Variants in LINC02747 observed in about 807,000 individuals in gnomAD.
LINC02747 encodes the protein CCND1-upstream intergenic DNA repair 2.
At chr11:69,478,325 G>A (rs1230958275) in intron 1 of LINC02747, among the ~76,000 whole-genome samples, 1 of 152,204 alleles carries the variant, frequency 6.6e-6, no homozygotes, top group Middle Eastern at 3.4e-3. Context: ...TCCCTGCACA[G>A]GTACCGAGAG....
intron 1 of LINC02747, among the ~76,000 whole-genome samples, chr11:69,481,138 C>T (rs1442914158): frequency 6.6e-6 from 1 of 152,250 alleles, no homozygotes; most frequent in East Asian, 1.9e-4. Context: ...AGAGCAGCCA[C>T]TGGGGCAGCC....
chr11:69,478,718 C>T (rs1051116792), intron 1 of LINC02747, among the ~76,000 whole-genome samples: 2 of 151,954 alleles, frequency 1.3e-5, no homozygotes, highest in African/African-American at 2.4e-5. Context: ...ACCTGTAATT[C>T]CAGCTACTCA....
exon 2 of LINC02747, chr11:69,475,936 G>A (rs1856989040): frequency 1.3e-5 from 2 of 152,326 alleles, no homozygotes; most frequent in African/African-American, 4.8e-5. Context: ...CTTGCCTCAG[G>A]CTCTAATGCA....
At chr11:69,476,672 C>G (rs1458907534) in exon 2 of LINC02747, 1 of 152,170 alleles carries the variant, frequency 6.6e-6, no homozygotes, top group Non-Finnish European at 1.5e-5. Flanking sequence ...TTGGGTCACC[C>G]GAATCAAGGG....
chr11:69,477,866 C>T (rs745617431), intron 1 of LINC02747, among the ~76,000 whole-genome samples: 141 of 152,126 alleles, frequency 9.3e-4, no homozygotes, highest in Non-Finnish European at 1.5e-3. Context: ...CTGTGCAAGA[C>T]GAAAATGCAA....
intron 1 of LINC02747, among the ~76,000 whole-genome samples, chr11:69,478,441 C>T (rs555259435): frequency 2.0e-5 from 3 of 152,172 alleles, no homozygotes; most frequent in Non-Finnish European, 4.4e-5. Context: ...GCACCCTGAC[C>T]GCCTGCTCCT....
chr11:69,476,455 C>G (rs1856995485), exon 2 of LINC02747: 1 of 152,210 alleles, frequency 6.6e-6, no homozygotes, highest in Non-Finnish European at 1.5e-5. Context: ...ACACCATTCA[C>G]TGATCTAATC....
intron 1 of LINC02747, among the ~76,000 whole-genome samples, chr11:69,480,998 T>C (rs1382612781): frequency 2.6e-5 from 4 of 152,170 alleles, no homozygotes. Context: ...CTAGCAACTG[T>C]GTAACAGGTG....
chr11:69,477,446 C>A (rs75936488), exon 2 of LINC02747: 272 of 152,356 alleles, frequency 1.8e-3, no homozygotes, highest in Non-Finnish European at 3.0e-3. Context: ...CACATGCTCA[C>A]CACACTTTAC....
intron 1 of LINC02747, among the ~76,000 whole-genome samples, chr11:69,479,030 G>A (rs2134962075): frequency 6.6e-6 from 1 of 152,286 alleles, no homozygotes; most frequent in Non-Finnish European, 1.5e-5. Context: ...TGAAGCCGGT[G>A]TATAACTTGA....
intron 1 of LINC02747, chr11:69,477,744 G>A (rs1294391994): frequency 1.3e-5 from 2 of 152,160 alleles, no homozygotes; most frequent in Non-Finnish European, 2.9e-5. Context: ...ACTGGGCTCA[G>A]GAAAAGAATG....
chr11:69,478,700 T>C (rs1223165450), intron 1 of LINC02747, among the ~76,000 whole-genome samples: 1 of 151,938 alleles, frequency 6.6e-6, no homozygotes, highest in Non-Finnish European at 1.5e-5. Flanking sequence ...CCTGGTGTGG[T>C]GGTGAGCACC....
intron 1 of LINC02747, among the ~76,000 whole-genome samples, chr11:69,478,012 C>G (rs1857012262): frequency 6.6e-6 from 1 of 152,206 alleles, no homozygotes; most frequent in Non-Finnish European, 1.5e-5. Context: ...AAGCACCTGT[C>G]TGCTTCGTGC....
At chr11:69,480,238 C>T (rs543347969) in intron 1 of LINC02747, among the ~76,000 whole-genome samples, 2 of 152,288 alleles carry the variant, frequency 1.3e-5, no homozygotes, top group African/African-American at 4.8e-5. Flanking sequence ...TGAGCCCAGG[C>T]CGGAGCCAGC....
intron 1 of LINC02747, among the ~76,000 whole-genome samples, chr11:69,478,719 C>T (rs891164476): frequency 6.6e-6 from 1 of 151,958 alleles, no homozygotes; most frequent in Non-Finnish European, 1.5e-5. Flanking sequence ...CCTGTAATTC[C>T]AGCTACTCAG....
chr11:69,479,784 G>A (rs1009270230), intron 1 of LINC02747: 1 of 152,400 alleles, frequency 6.6e-6, no homozygotes, highest in Non-Finnish European at 1.5e-5. Context: ...AGCTCGGCAG[G>A]TGCACATCTT....
intron 1 of LINC02747, among the ~76,000 whole-genome samples, chr11:69,479,211 C>G (rs890834901): frequency 7.1e-6 from 1 of 140,074 alleles, no homozygotes. Flanking sequence ...GCCAAGATCG[C>G]GCCACTGCCC....
intron 1 of LINC02747, among the ~76,000 whole-genome samples, chr11:69,480,304 C>T (rs1477382574): frequency 6.6e-6 from 1 of 152,194 alleles, no homozygotes; most frequent in Non-Finnish European, 1.5e-5. Context: ...TGAGCACATC[C>T]CAGGACCCCG....
rs557103613 is a variant in LINC02747, at chr11:69,476,031, G to A, written n.1703C>T. The A allele has an allele frequency of 2.0e-5, 3 of 152,280 alleles. No homozygotes were observed. In the South Asian group the frequency reaches 6.2e-4, roughly 32 times the overall value. The allele number at this position is 152,280 out of a possible 1,614,324, so 9.4% of individuals were successfully genotyped here. ...GGTGAGGACAGGTTTTGGGACTCAG[G>A]AGCTAGTCCCTGGGTTTGTCTCGTC... On this transcript the variant is annotated non_coding_transcript_exon_variant, in exon 2 of 2. Coordinates refer to ENST00000645449, the Ensembl canonical transcript of LINC02747.
Sources: allele counts gnomAD v4.1 joint callset (sites outside exome capture counted in the v4.1 genomes callset), GRCh38; gene constraint gnomAD v4.1.1; transcripts MANE v1.5; gene names NCBI Gene and HGNC (gene_info 2026-07-23, HGNC 2026-07-21).